C7orf57: variants seen among roughly 807,000 people sequenced by gnomAD.
C7orf57 encodes the protein uncharacterized protein C7orf57.
Under a neutral mutation model 39.0 loss-of-function variants are expected in C7orf57, and 33 were observed. That is an observed-to-expected ratio of 0.85 (90% CI 0.64 to 1.13). C7orf57 has a LOEUF of 1.13. C7orf57 is among the 50% of genes most tolerant of loss of function. The pLI, the probability that C7orf57 is intolerant of heterozygous loss-of-function variation, is 0.00. For missense variants in C7orf57, 346 were observed against 362.3 expected (o/e 0.95, Z 0.37); for synonymous variants, 124 against 137.1 (o/e 0.90, Z 0.67).
chr7:48,051,711 CTCCTTTCTTTCT>C (rs1790886927), intron 6 of C7orf57, among the ~76,000 whole-genome samples: 1 of 75,404 alleles, frequency 1.3e-5, no homozygotes, highest in African/African-American at 3.3e-5. Context: ...CTCTCTCTCT[CTCCTTTCTTTCT>C]TTCTCTTTTT....
chr7:48,041,501 A>T lies in C7orf57; in HGVS notation c.223A>T (p.Lys75Ter). ...ETDSEYVKLAKQGGRPDLLKH... is the reference protein window; with the variant it reads ...ETDSEYVKLA ...AGATTCGGAATATGTGAAGCTCGCG[A>T]AACAAGGTGGCAGGCCCGGTGAGCC... Residue 75 changes from lysine to a stop codon, truncating the protein, a stop_gained, in exon 3 of 9, where the codon AAA becomes TAA. Transcript: ENST00000348904. LOFTEE classifies it high-confidence loss of function. 6.2e-7 allele frequency: 1 copy of T among 1,607,396 alleles called. No individual in the cohort carries two copies. Among genetic ancestry groups the T allele is most frequent in the East Asian group, 2.2e-5 (1 of 44,718 alleles).
At position 48,043,502 on chromosome 7, in the gene C7orf57, C is replaced by G. The variant is rs1790613397; in HGVS notation, c.263C>G (p.Pro88Arg). The change falls in exon 4 of 9, where the codon CCT becomes CGT. Residue 88 changes from proline (P) to arginine (R), a missense_variant. Physicochemically the swap from Pro to Arg is moderately radical, Grantham distance 103. Coordinates refer to ENST00000348904, the MANE Select transcript of C7orf57 (RefSeq NM_001100159.3). ...TGAGATTTGTTGAAGCACTTTGCCC[C>G]TGGAACCAGGAAAGGCTCTCCAGTG... is the stretch of plus-strand genomic sequence containing the variant. ...GRPDLLKHFA[P>R]GTRKGSPVAY... The G allele has an allele frequency of 6.2e-7, 1 of 1,613,816 alleles. No individual in the cohort carries two copies. Among genetic ancestry groups the G allele is most frequent in the African/African-American group, 1.3e-5 (1 of 75,006 alleles).
rs1554299779 is a variant in C7orf57 at position 48,051,858 on chromosome 7, T to TC, written c.606-841dup. 2.8e-4 allele frequency among the ~76,000 whole-genome samples: 25 copies of TC among 87,842 alleles called. 3 individuals are homozygous for TC. The East Asian group carries it at 4.4e-3, about 16-fold the overall frequency. The allele number at this position is 87,842 out of a possible 152,430, so 57.6% of individuals were successfully genotyped here. A position where few individuals can be genotyped will look rare whatever the true frequency, so the allele number is the denominator to read the frequency against. ...TTCTTTCTTTCTTTCTTTCTTTCTTTCTTTCTTTCTTTCTCTTTCTCTTTC... is the reference window on the plus strand; with the variant it reads ...TTCTTTCTTTCTTTCTTTCTTTCTTTCCTTTCTTTCTTTCTCTTTCTCTTTC... On this transcript the variant is annotated intron_variant, in intron 6 of 8. Transcript: ENST00000348904.
intron 8 of C7orf57, among the ~76,000 whole-genome samples, chr7:48,058,957 T>C (rs1791207014): frequency 6.6e-6 from 1 of 152,208 alleles, no homozygotes; most frequent in African/African-American, 2.4e-5. Flanking sequence ...AAGAAACCTT[T>C]TAACGTTTCA....
intron 2 of C7orf57, among the ~76,000 whole-genome samples, chr7:48,040,923 TA>T (rs1487411336): frequency 6.6e-6 from 1 of 152,232 alleles, no homozygotes; most frequent in Admixed American, 6.5e-5. Context: ...GGCTTACCCA[TA>T]ACGTTTTAAG....
chr7:48,060,006 A>G (rs1018552395), intron 8 of C7orf57, among the ~76,000 whole-genome samples: 2 of 152,182 alleles, frequency 1.3e-5, no homozygotes, highest in Non-Finnish European at 2.9e-5. Flanking sequence ...ACTGTTTCCA[A>G]TGGGGCATTC....
intron 6 of C7orf57, among the ~76,000 whole-genome samples, chr7:48,051,381 C>T (rs1431226251): frequency 1.8e-4 from 18 of 98,236 alleles, no homozygotes; most frequent in Non-Finnish European, 2.9e-4. Flanking sequence ...GACAGAGTCT[C>T]ACTCTGTCCC....
chr7:48,059,035 G>A (rs980050307), intron 8 of C7orf57, among the ~76,000 whole-genome samples: 13 of 152,168 alleles, frequency 8.5e-5, no homozygotes, highest in Admixed American at 1.3e-4. Context: ...TGGAGAAGAG[G>A]ATCTGCTCTG....
chr7:48,041,731 C>T, intron 3 of C7orf57: 1 of 353,718 alleles, frequency 2.8e-6, no homozygotes, highest in Non-Finnish European at 5.0e-6. Context: ...GCCAAATTCA[C>T]AGAATTTCCT....
chr7:48,050,394 T>C (rs1790840706), intron 6 of C7orf57, among the ~76,000 whole-genome samples: 1 of 152,230 alleles, frequency 6.6e-6, no homozygotes, highest in Non-Finnish European at 1.5e-5. Flanking sequence ...GTGCTGGCTC[T>C]GTTTCCAGTT....
intron 4 of C7orf57, among the ~76,000 whole-genome samples, chr7:48,044,247 G>A (rs1412886561): frequency 6.6e-6 from 1 of 152,154 alleles, no homozygotes; most frequent in Non-Finnish European, 1.5e-5. Context: ...ATCAGCAGTG[G>A]TGGACTGTGA....
rs1791128858 is a variant in C7orf57 at position 48,056,803 on chromosome 7, G to A, written c.841+2197G>A. ...CTTCATCTATTTTGAGTTGATTTTA[G>A]TATATTAAATGAGATGAAGATCCAA... On this transcript the variant is annotated intron_variant, in intron 8 of 8. Coordinates refer to ENST00000348904, the MANE Select transcript of C7orf57 (RefSeq NM_001100159.3). Among the ~76,000 whole-genome samples the A allele has an allele frequency of 1.3e-5, 2 of 152,076 alleles. 1 individual carries two copies. Among genetic ancestry groups the A allele is most frequent in the South Asian group, 4.1e-4 (2 of 4,828 alleles).
At chr7:48,036,418 C>A (rs779695952) in intron 2 of C7orf57, 55 bp downstream of exon 2, 83 of 1,465,766 alleles carry the variant, frequency 5.7e-5, no homozygotes, top group Non-Finnish European at 7.1e-5. Context: ...GTGCACTCTG[C>A]TTGCTAGACA....
intron 8 of C7orf57, among the ~76,000 whole-genome samples, chr7:48,055,897 G>C (rs1791103020): frequency 6.6e-6 from 1 of 152,064 alleles, no homozygotes; most frequent in Non-Finnish European, 1.5e-5. Context: ...TCCATAGCTT[G>C]GCTATTGTGA....
At chr7:48,059,339 T>C (rs1791221838) in intron 8 of C7orf57, among the ~76,000 whole-genome samples, 1 of 152,208 alleles carries the variant, frequency 6.6e-6, no homozygotes, top group Non-Finnish European at 1.5e-5. Flanking sequence ...TGGAGACTAA[T>C]CTTGTCAAGG....
chr7:48,041,614 G>T (rs919516243), intron 3 of C7orf57, 95 bp downstream of exon 3: 1 of 1,048,620 alleles, frequency 9.5e-7, no homozygotes, highest in Non-Finnish European at 1.3e-6. Flanking sequence ...TATTACTACA[G>T]AGTCTGTATG....
At chr7:48,042,855 A>G (rs530988013) in intron 3 of C7orf57, among the ~76,000 whole-genome samples, 3 of 152,310 alleles carry the variant, frequency 2.0e-5, no homozygotes, top group African/African-American at 7.2e-5. Context: ...GTGGGGAGCT[A>G]GAAAGCAAGT....
rs1228132974 is a variant in C7orf57 at position 48,060,219 on chromosome 7, G to T, written c.842-7G>T. The T allele has an allele frequency of 1.3e-6, 2 of 1,521,574 alleles. No individual in the cohort carries two copies. The highest frequency in any genetic ancestry group is 2.6e-5 in the South Asian group (2 of 78,298). 94.3% of individuals were successfully genotyped at this position (1,521,574 alleles called of 1,614,324 possible). On this transcript the variant is annotated splice_region_variant and splice_polypyrimidine_tract_variant and intron_variant, in intron 8 of 8. Coordinates refer to ENST00000348904, the MANE Select transcript of C7orf57 (RefSeq NM_001100159.3). ...TTGTCTACTCATTTATTTACTTTGTGTTGCAGGCCCAGAAGAATCTGTATC... is the reference window on the plus strand; with the variant it reads ...TTGTCTACTCATTTATTTACTTTGTTTTGCAGGCCCAGAAGAATCTGTATC...
chr7:48,039,619 T>A (rs1312374033), intron 2 of C7orf57, among the ~76,000 whole-genome samples: 1 of 152,158 alleles, frequency 6.6e-6, no homozygotes, highest in Non-Finnish European at 1.5e-5. Context: ...GTTATTTTCA[T>A]CTAAAAAACT....
Sources: allele counts gnomAD v4.1 joint callset (sites outside exome capture counted in the v4.1 genomes callset), GRCh38; gene constraint gnomAD v4.1.1; transcripts MANE v1.5; gene names NCBI Gene and HGNC (gene_info 2026-07-23, HGNC 2026-07-21).